The following GLIS3 variants were observed in gnomAD, a reference collection of about 807,000 sequenced individuals.
GLIS3 encodes the protein GLIS family zinc finger 3.
GLIS3 carries 53 observed loss-of-function variants against 78.6 expected under a neutral mutation model. The observed-to-expected ratio is 0.67, with a 90% CI of 0.54 to 0.85. The LOEUF (loss-of-function observed/expected upper bound fraction) is 0.85. Among genes scored for constraint, GLIS3 ranks in the 40% least tolerant of loss-of-function variants. The pLI is 0.00. For missense variants in GLIS3, 1,703 were observed against 1,231.1 expected (o/e 1.38, Z -5.74); for synonymous variants, 684 against 509.9 (o/e 1.34, Z -4.60).
chr9:4,154,356 C>A (rs766335927), intron 2 of GLIS3, among the ~76,000 whole-genome samples: 6 of 151,878 alleles, frequency 4.0e-5, no homozygotes, highest in African/African-American at 4.8e-5. Context: ...CCATAATATG[C>A]CACAAGAAAT....
chr9:4,183,084 C>T (rs912806850), intron 2 of GLIS3, among the ~76,000 whole-genome samples: 2 of 152,168 alleles, frequency 1.3e-5, no homozygotes, highest in South Asian at 4.1e-4. Flanking sequence ...TCCTGTGATG[C>T]TATTTGGCCT....
chr9:3,884,720 C>T (rs951099480), intron 7 of GLIS3, among the ~76,000 whole-genome samples: 2 of 152,084 alleles, frequency 1.3e-5, no homozygotes, highest in Non-Finnish European at 2.9e-5. Context: ...AACTTGAGGC[C>T]TCTTCTGGTT....
At chr9:4,353,110 G>GA (rs766573692), upstream of GLIS3, among the ~76,000 whole-genome samples, 4 of 152,086 alleles carry the variant, frequency 2.6e-5, no homozygotes, top group Non-Finnish European at 5.9e-5. Context: ...ATTCCTGGGT[G>GA]AACAATACAA....
chr9:4,279,133 C>G lies in GLIS3; in HGVS notation c.388+6905G>C, dbSNP rs1350013918. On this transcript the variant is annotated intron_variant, in intron 2 of 10. Transcript: ENST00000381971. Reference sequence around the variant, plus strand: ...TGGCCAAGATGGTGAAACCCCATCTCTAATAAAAATACAAAAGTTTCCGGG... The same window carrying G: ...TGGCCAAGATGGTGAAACCCCATCTGTAATAAAAATACAAAAGTTTCCGGG... Among the ~76,000 whole-genome samples, 3 of 151,652 alleles carry G rather than the reference C, an allele frequency of 2.0e-5. No homozygotes were observed. The East Asian group carries it at 5.8e-4, about 29-fold the overall frequency.
chr9:4,126,948 C>T (rs930458707), intron 2 of GLIS3, among the ~76,000 whole-genome samples: 3 of 152,154 alleles, frequency 2.0e-5, no homozygotes, highest in South Asian at 2.1e-4. Flanking sequence ...AGAAAAGTGT[C>T]ACTGTCACTT....
chr9:4,240,695 A>G (rs924355340), intron 2 of GLIS3, among the ~76,000 whole-genome samples: 6 of 152,360 alleles, frequency 3.9e-5, no homozygotes, highest in Admixed American at 3.9e-4. Flanking sequence ...TGAGACAACT[A>G]TGTAACATAG....
At chr9:4,281,178 T>C (rs1406316318) in intron 2 of GLIS3, among the ~76,000 whole-genome samples, 1 of 152,256 alleles carries the variant, frequency 6.6e-6, no homozygotes, top group Non-Finnish European at 1.5e-5. Flanking sequence ...TGTTAAATTG[T>C]GCACTCTAGT....
chr9:4,054,519 G>A (rs1825978873), intron 4 of GLIS3: 2 of 984,840 alleles, frequency 2.0e-6, no homozygotes, highest in Admixed American at 6.1e-5. Context: ...GCAGTCTACA[G>A]AGAAGGAGGC....
the GLIS3 span, among the ~76,000 whole-genome samples, chr9:4,366,617 C>T: frequency 1.3e-5 from 2 of 152,208 alleles, no homozygotes; most frequent in Non-Finnish European, 2.9e-5. Flanking sequence ...CAAACGTTTT[C>T]CTGTAAGAGA....
intron 4 of GLIS3, among the ~76,000 whole-genome samples, chr9:3,959,820 G>A (rs1183763257): frequency 6.6e-6 from 1 of 152,214 alleles, no homozygotes; most frequent in East Asian, 1.9e-4. Flanking sequence ...GGTCATTAGG[G>A]TGGATCCTAA....
At chr9:4,055,966 C>T (rs935876155) in intron 4 of GLIS3, among the ~76,000 whole-genome samples, 2 of 152,318 alleles carry the variant, frequency 1.3e-5, no homozygotes, top group East Asian at 3.9e-4. Flanking sequence ...AAAGGAAACT[C>T]TCTTCCTCCT....
intron 4 of GLIS3, among the ~76,000 whole-genome samples, chr9:4,086,547 A>T (rs1829035610): frequency 1.3e-5 from 2 of 152,350 alleles, no homozygotes; most frequent in Admixed American, 1.3e-4. Flanking sequence ...CTTCCAGAAA[A>T]CAAATCTTTA....
intron 4 of GLIS3, among the ~76,000 whole-genome samples, chr9:3,982,731 C>T (rs1264834274): frequency 6.6e-6 from 1 of 152,184 alleles, no homozygotes; most frequent in Non-Finnish European, 1.5e-5. Flanking sequence ...GTTTCAAACT[C>T]TTTTCTTCAT....
intron 4 of GLIS3, among the ~76,000 whole-genome samples, chr9:3,950,086 CA>C (rs1816576006): frequency 6.6e-6 from 1 of 152,216 alleles, no homozygotes; most frequent in African/African-American, 2.4e-5. Flanking sequence ...CCAAAGCCTA[CA>C]AGTCATTTTT....
At chr9:4,268,126 G>T (rs1289304690) in intron 2 of GLIS3, among the ~76,000 whole-genome samples, 1 of 152,138 alleles carries the variant, frequency 6.6e-6, no homozygotes, top group Non-Finnish European at 1.5e-5. Flanking sequence ...TAGAGCCAAA[G>T]TGGCTGGTTC....
chr9:3,888,846 G>A (rs1822244591), intron 7 of GLIS3, among the ~76,000 whole-genome samples: 1 of 152,056 alleles, frequency 6.6e-6, no homozygotes, highest in Non-Finnish European at 1.5e-5. Context: ...TTATGTAAAG[G>A]CTTTTATCTG....
chr9:4,451,665 C>T, the GLIS3 span, among the ~76,000 whole-genome samples: 11 of 152,086 alleles, frequency 7.2e-5, no homozygotes, highest in African/African-American at 2.7e-4. Context: ...ACCACAGTGC[C>T]ATCAAATTAG....
At chr9:3,967,976 T>C (rs1265601948) in intron 4 of GLIS3, among the ~76,000 whole-genome samples, 8 of 152,188 alleles carry the variant, frequency 5.3e-5, no homozygotes, top group Admixed American at 5.2e-4. Context: ...ATAAATCATA[T>C]CTTCAAAAAC....
At chr9:4,282,085 C>G (rs746903933) in intron 2 of GLIS3, among the ~76,000 whole-genome samples, 2 of 152,164 alleles carry the variant, frequency 1.3e-5, no homozygotes, top group African/African-American at 2.4e-5. Context: ...CTTCAGTCTT[C>G]AAGTCAGATG....
Sources: allele counts gnomAD v4.1 joint callset (sites outside exome capture counted in the v4.1 genomes callset), GRCh38; gene constraint gnomAD v4.1.1; transcripts MANE v1.5; gene names NCBI Gene and HGNC (gene_info 2026-07-23, HGNC 2026-07-21).